The following LOC122539214 variants were observed in gnomAD, a reference collection of about 807,000 sequenced individuals.
chr19:52,668,948 C>T, the LOC122539214 span, among the ~76,000 whole-genome samples: 1 of 152,168 alleles, frequency 6.6e-6, no homozygotes, highest in Non-Finnish European at 1.5e-5. Context: ...GGCCATCCAG[C>T]TTCCAACTCC....
chr19:52,685,677 A>G, the LOC122539214 span, among the ~76,000 whole-genome samples: 1 of 152,050 alleles, frequency 6.6e-6, no homozygotes, highest in Non-Finnish European at 1.5e-5. Context: ...TGGGCAGATC[A>G]CCTGAGGTCA....
chr19:52,673,500 T>TCACACA, the LOC122539214 span, among the ~76,000 whole-genome samples: 21 of 148,930 alleles, frequency 1.4e-4, no homozygotes, highest in Admixed American at 1.1e-3. Context: ...TGTAACTCCA[T>TCACACA]CACACACACA....
At chr19:52,664,131 G>T in the LOC122539214 span, among the ~76,000 whole-genome samples, 1 of 151,228 alleles carries the variant, frequency 6.6e-6, no homozygotes, top group African/African-American at 2.4e-5. Flanking sequence ...TGATCCACCA[G>T]CCTTGGCCTC....
the LOC122539214 span, among the ~76,000 whole-genome samples, chr19:52,659,082 G>A: frequency 1.3e-5 from 2 of 152,104 alleles, no homozygotes; most frequent in African/African-American, 4.8e-5. Flanking sequence ...GCCAGGGTCC[G>A]TGGGCAGACC....
chr19:52,665,913 C>A, the LOC122539214 span, among the ~76,000 whole-genome samples: 1 of 151,984 alleles, frequency 6.6e-6, no homozygotes, highest in Non-Finnish European at 1.5e-5. Context: ...GTAATCCCCC[C>A]ACTTTGGGAG....
the LOC122539214 span, among the ~76,000 whole-genome samples, chr19:52,686,145 A>G: frequency 1.4e-4 from 22 of 152,338 alleles, no homozygotes; most frequent in East Asian, 2.9e-3. Context: ...TACCAGGTAC[A>G]CACTGAAACA....
chr19:52,679,515 G>A, the LOC122539214 span, among the ~76,000 whole-genome samples: 15 of 152,312 alleles, frequency 9.8e-5, no homozygotes, highest in East Asian at 2.3e-3. Flanking sequence ...GGAGGCTCAG[G>A]CAGGAGAATT....
At chr19:52,682,421 C>A in the LOC122539214 span, among the ~76,000 whole-genome samples, 1 of 151,866 alleles carries the variant, frequency 6.6e-6, no homozygotes, top group Non-Finnish European at 1.5e-5. Flanking sequence ...GCCTGAAATC[C>A]CAACACTTTG....
chr19:52,687,386 T>G, the LOC122539214 span, among the ~76,000 whole-genome samples: 3 of 36,640 alleles, frequency 8.2e-5, no homozygotes, highest in African/African-American at 1.0e-3. Flanking sequence ...ATAATTTATA[T>G]ATATATAATT....
the LOC122539214 span, chr19:52,655,473 G>A: frequency 1.6e-5 from 20 of 1,237,264 alleles, no homozygotes; most frequent in Admixed American, 1.0e-4. Flanking sequence ...GCATGTATGC[G>A]GCAAAATCAC....
chr19:52,659,335 G>T, the LOC122539214 span, among the ~76,000 whole-genome samples: 1 of 152,028 alleles, frequency 6.6e-6, no homozygotes, highest in Admixed American at 6.6e-5. Flanking sequence ...TAAGTCATTG[G>T]TGCCCACTCG....
the LOC122539214 span, among the ~76,000 whole-genome samples, chr19:52,675,335 A>G: frequency 2.0e-5 from 3 of 152,232 alleles, no homozygotes; most frequent in Admixed American, 1.3e-4. Flanking sequence ...GTACTTAAGC[A>G]CAATAGTATG....
At chr19:52,655,414 A>G in the LOC122539214 span, 5 of 787,012 alleles carry the variant, frequency 6.4e-6, no homozygotes, top group Admixed American at 2.3e-5. Context: ...GCTGTCTATG[A>G]CAGACAGGAG....
the LOC122539214 span, among the ~76,000 whole-genome samples, chr19:52,679,442 C>T: frequency 1.3e-5 from 2 of 152,030 alleles, no homozygotes; most frequent in African/African-American, 2.4e-5. Flanking sequence ...GAAACTCCGA[C>T]TCTACTAAAA....
the LOC122539214 span, among the ~76,000 whole-genome samples, chr19:52,665,242 A>G: frequency 6.6e-6 from 1 of 152,002 alleles, no homozygotes. Context: ...GAGTGAGGTC[A>G]CCACCTGCTG....
the LOC122539214 span, among the ~76,000 whole-genome samples, chr19:52,669,798 C>T: frequency 6.6e-6 from 1 of 152,118 alleles, no homozygotes; most frequent in African/African-American, 2.4e-5. Context: ...ACCATGCATC[C>T]GTGGGTTGGT....
At chr19:52,652,225 T>C in the LOC122539214 span, 343 of 221,662 alleles carry the variant, frequency 1.5e-3, 1 homozygote, top group African/African-American at 7.8e-3. Context: ...GATCACAAGA[T>C]CAAGAGTTGA....
At chr19:52,652,101 C>A in the LOC122539214 span, 5 of 237,230 alleles carry the variant, frequency 2.1e-5, no homozygotes, top group South Asian at 2.5e-4. Context: ...GATTTCTGTC[C>A]AGTATAGATT....
the LOC122539214 span, among the ~76,000 whole-genome samples, chr19:52,683,564 T>C: frequency 8.8e-5 from 13 of 147,552 alleles, no homozygotes; most frequent in Non-Finnish European, 1.6e-4. Flanking sequence ...CCAAACTGGG[T>C]CCTGGTGATG....
Sources: allele counts gnomAD v4.1 joint callset (sites outside exome capture counted in the v4.1 genomes callset), GRCh38; gene constraint gnomAD v4.1.1; transcripts MANE v1.5.